DNAH9: variants seen among roughly 807,000 people sequenced by gnomAD.
The protein encoded by DNAH9 is dynein axonemal heavy chain 9.
A neutral mutation model predicts 471.6 loss-of-function variants in DNAH9; 345 were observed. The observed-to-expected ratio is 0.73, with a 90% CI of 0.67 to 0.80. DNAH9 has a LOEUF of 0.80. Among genes scored for constraint, DNAH9 ranks in the 30% least tolerant of loss-of-function variants. The pLI, the probability that DNAH9 is intolerant of heterozygous loss-of-function variation, is 0.00. For synonymous variants in DNAH9, 2,093 were observed against 2,123.6 expected, an observed-to-expected ratio of 0.99 and a Z score of 0.40; for missense variants, 5,407 against 5,609.2, an observed-to-expected ratio of 0.96 and a Z score of 1.15.
At chr17:11,600,511 G>T (rs758676755) in intron 1 of DNAH9, among the ~76,000 whole-genome samples, 1 of 152,098 alleles carries the variant, frequency 6.6e-6, no homozygotes, top group East Asian at 1.9e-4. Flanking sequence ...GAAAATTCTC[G>T]AATGTTTAAG....
rs768697998 is a variant in DNAH9, at chr17:11,891,788, C to T, written c.11124C>T (p.Ile3708=). 1.9e-5 allele frequency: 31 copies of T among 1,613,864 alleles called. No homozygotes were observed. Among genetic ancestry groups the T allele is most frequent in the Non-Finnish European group, 2.5e-5 (29 of 1,179,954 alleles). Residue 3708 remains isoleucine, a synonymous_variant, in exon 58 of 69, where the codon ATC becomes ATT. Transcript: ENST00000262442. ...MYQFSLKAFS[I]VFQKAVERAA... The stretch of plus-strand genomic sequence containing the variant: ...TCTTCTGTCCCCAGGCCTTCAGTAT[C>T]GTCTTCCAGAAGGCTGTGGAGAGGG...
rs2073502485 is a variant in DNAH9 at position 11,651,328 on chromosome 17, A to T, written c.2353+4A>T. 4 of 1,610,672 alleles carry T rather than the reference A, an allele frequency of 2.5e-6. No homozygotes were observed. The highest frequency in any genetic ancestry group is 3.4e-6 in the Non-Finnish European group (4 of 1,178,806). On this transcript the variant is annotated splice_donor_region_variant and intron_variant, in intron 13 of 68. Coordinates refer to ENST00000262442, the MANE Select transcript of DNAH9 (RefSeq NM_001372.4). ...ACTTTGAACTGGAAAACAGAAGGTA[A>T]CAGGGCACCATCTGAAGTCTGACAA...
At chr17:11,625,559 A>G (rs1452864618) in intron 6 of DNAH9, among the ~76,000 whole-genome samples, 2 of 152,152 alleles carry the variant, frequency 1.3e-5, no homozygotes, top group Admixed American at 1.3e-4. Flanking sequence ...CTCTCCCTTA[A>G]TGAATTCCCA....
intron 62 of DNAH9, among the ~76,000 whole-genome samples, chr17:11,925,995 C>A (rs1974305382): frequency 7.5e-6 from 1 of 133,794 alleles, no homozygotes; most frequent in Non-Finnish European, 1.5e-5. Context: ...AGAATCCTAC[C>A]CAGCAATGTT....
At chr17:11,698,182 TTATATTAA>T (rs1444377084) in intron 22 of DNAH9, among the ~76,000 whole-genome samples, 1 of 120,350 alleles carries the variant, frequency 8.3e-6, no homozygotes, top group African/African-American at 3.6e-5. Context: ...TAATATATTA[TTATATTAA>T]TATAATAATA....
rs138501592 is a variant in DNAH9 at position 11,822,048 on chromosome 17, C to T, written c.8836C>T (p.Arg2946Trp). The T allele has an allele frequency of 2.3e-5, 37 of 1,612,386 alleles. No individual in the cohort carries two copies. The highest frequency in any genetic ancestry group is 1.3e-4 in the African/African-American group (10 of 74,820). Residue 2946 changes from arginine to tryptophan, a missense_variant, in exon 46 of 69, where the codon CGG (arginine) becomes TGG (tryptophan). This residue lies in a region of DNAH9 where 4,636 missense variants were observed against 4,900.3 expected (regional missense o/e 0.95). Transcript: ENST00000262442. ...NCWKFFIDRIRRQLKVTLCFS... is the reference protein window; with the variant it reads ...NCWKFFIDRIWRQLKVTLCFS... The stretch of plus-strand genomic sequence containing the variant: ...TTGGAAGTTCTTTATAGATCGGATC[C>T]GGCGACAGCTGAAGGTAAAGAGCAT...
intron 14 of DNAH9, among the ~76,000 whole-genome samples, chr17:11,660,718 T>C (rs2073746037): frequency 6.6e-6 from 1 of 152,206 alleles, no homozygotes; most frequent in African/African-American, 2.4e-5. Flanking sequence ...AAAATTGATA[T>C]CTAATTTAAT....
At chr17:11,811,332 A>G (rs1045961398) in intron 45 of DNAH9, among the ~76,000 whole-genome samples, 1 of 152,022 alleles carries the variant, frequency 6.6e-6, no homozygotes, top group African/African-American at 2.4e-5. Flanking sequence ...AAAAAAAAAG[A>G]AAAAGGTTAT....
intron 61 of DNAH9, among the ~76,000 whole-genome samples, chr17:11,908,955 C>T (rs1034764759): frequency 4.6e-5 from 7 of 152,310 alleles, no homozygotes; most frequent in Middle Eastern, 3.4e-3. Flanking sequence ...TATCTGGTTG[C>T]ATGCAGTCTC....
chr17:11,737,518 G>A (rs1011698313), intron 28 of DNAH9, among the ~76,000 whole-genome samples: 3 of 152,140 alleles, frequency 2.0e-5, no homozygotes, highest in African/African-American at 7.2e-5. Flanking sequence ...AAGACCTTCT[G>A]GGGCCGGGCT....
At position 11,653,091 on chromosome 17, in the gene DNAH9, C is replaced by T. The variant is rs1050170227; in HGVS notation, c.2595+89C>T. 1.4e-5 allele frequency: 19 copies of T among 1,326,706 alleles called. No individual in the cohort carries two copies. The African/African-American group carries it at 2.3e-4, about 16-fold the overall frequency. The allele number at this position is 1,326,706 out of a possible 1,614,324, so 82.2% of individuals were successfully genotyped here. ...TGGATGAATAAGTGATTAGGACAGT[C>T]AGTAAGTGCAGTGTCTTCCGAAGAC... On this transcript the variant is annotated intron_variant, in intron 14 of 68. Coordinates refer to ENST00000262442, the MANE Select transcript of DNAH9 (RefSeq NM_001372.4).
In DNAH9 at chr17:11,598,622, G is replaced by T. The variant is rs1028086885; in HGVS notation, c.124G>T (p.Ala42Ser). 7.5e-6 allele frequency: 10 copies of T among 1,342,102 alleles called. No individual in the cohort carries two copies. Among genetic ancestry groups the T allele is most frequent in the African/African-American group, 4.6e-5 (3 of 64,970 alleles). 83.1% of individuals were successfully genotyped at this position (1,342,102 alleles called of 1,614,324 possible). A position where few individuals can be genotyped will look rare whatever the true frequency, so the allele number is the denominator to read the frequency against. ...VAMSLRPAAG[A>S]WERCAGSAEA... Reference sequence around the variant, plus strand: ...CATGAGCCTGCGGCCGGCTGCGGGCGCCTGGGAGCGTTGCGCGGGGAGTGC... The same window carrying T: ...CATGAGCCTGCGGCCGGCTGCGGGCTCCTGGGAGCGTTGCGCGGGGAGTGC... The change falls in exon 1 of 69, where the codon GCC (alanine) becomes TCC (serine). Residue 42 changes from alanine (A) to serine (S), a missense_variant. Around this residue, in one of 3 missense-constraint regions of DNAH9, gnomAD observed 767 missense variants for 692.5 expected, o/e 1.11. Transcript: ENST00000262442.
In DNAH9 at chr17:11,881,215, T is replaced by C. The variant is rs749263434; in HGVS notation, c.10608T>C (p.Ile3536=). 6 of 1,614,122 alleles carry C rather than the reference T, an allele frequency of 3.7e-6. No homozygotes were observed. In the East Asian group the frequency reaches 1.3e-4, roughly 36 times the overall value. ...GREVIKKGRF[I]KIGDKECEYN... is the part of the protein sequence containing the mutation. ...ATGAGCCTTTATGTTCCAGATTCAT[T>C]AAAATTGGAGACAAAGAATGTGAAT... Residue 3536 remains isoleucine (I), a synonymous_variant, in exon 55 of 69, where the codon ATT becomes ATC. Transcript: ENST00000262442.
intron 26 of DNAH9, among the ~76,000 whole-genome samples, chr17:11,709,416 C>T (rs117274787): frequency 0.031 from 4,778 of 152,252 alleles, 129 homozygotes; most frequent in Non-Finnish European, 0.049. Context: ...AAATTGGCCT[C>T]AACATAGAAA....
At chr17:11,796,146 C>G (rs1969229444) in intron 42 of DNAH9, among the ~76,000 whole-genome samples, 2 of 152,284 alleles carry the variant, frequency 1.3e-5, no homozygotes, top group Non-Finnish European at 2.9e-5. Flanking sequence ...TGTAAACCAG[C>G]CTTTTCAAAA....
Position 11,920,586 on chromosome 17 carries a change from A to G in DNAH9, c.11750-3228A>G, listed in dbSNP as rs535198760. The stretch of plus-strand genomic sequence containing the variant: ...CAGTGAGCTGAGATTGCGCCATTGC[A>G]CTCCAGTCTGGGCGACAGAGCAAGA... On this transcript the variant is annotated intron_variant, in intron 61 of 68. Transcript: ENST00000262442. 7.1e-4 allele frequency among the ~76,000 whole-genome samples: 106 copies of G among 148,832 alleles called. 2 individuals carry two copies. The South Asian group carries it at 0.019, about 26-fold the overall frequency.
At chr17:11,657,509 A>G (rs2073674037) in intron 14 of DNAH9, among the ~76,000 whole-genome samples, 1 of 152,004 alleles carries the variant, frequency 6.6e-6, no homozygotes, top group Non-Finnish European at 1.5e-5. Context: ...GTTTACTTAT[A>G]TTCTTATTGA....
At chr17:11,652,387 G>C (rs2073529503) in intron 13 of DNAH9, among the ~76,000 whole-genome samples, 1 of 140,170 alleles carries the variant, frequency 7.1e-6, no homozygotes, top group Non-Finnish European at 1.5e-5. Context: ...CCGGGTTCAC[G>C]CCATTCTCCT....
rs754363865 is a variant in DNAH9 at position 11,652,948 on chromosome 17, A to G, written c.2541A>G (p.Glu847=). 6.2e-7 allele frequency: 1 copy of G among 1,614,126 alleles called. No homozygotes were observed. The highest frequency in any genetic ancestry group is 1.1e-5 in the South Asian group (1 of 91,078). ...LSLDDRHDRM[E]KYYNLIKESG... is the part of the protein sequence containing the mutation. The stretch of plus-strand genomic sequence containing the variant: ...TGGATGATCGGCATGATCGAATGGA[A>G]AAATATTACAATCTCATCAAGGAAT... Residue 847 remains glutamate, a synonymous_variant, in exon 14 of 69, where the codon GAA becomes GAG. Transcript: ENST00000262442.
Sources: gnomAD v4.1 joint callset for allele counts (sites outside exome capture counted in the v4.1 genomes callset) on GRCh38, gnomAD v4.1.1 for gene constraint, gnomAD v4.1.1 regional missense constraint, MANE v1.5 for transcripts, NCBI Gene and HGNC (gene_info 2026-07-23, HGNC 2026-07-21) for gene names.